Variants in GPC5 observed in about 807,000 individuals in gnomAD.
The protein encoded by GPC5 is glypican-5.
Under a neutral mutation model 53.9 loss-of-function variants are expected in GPC5, and 47 were observed. That is an observed-to-expected ratio of 0.87 (90% CI 0.69 to 1.11). The LOEUF is 1.11. GPC5 is among the 50% of genes most tolerant of loss of function. The pLI, the probability that GPC5 is intolerant of heterozygous loss-of-function variation, is 0.00. For synonymous variants in GPC5, 286 were observed against 263.3 expected (o/e 1.09, Z -0.84); for missense variants, 748 against 713.1 (o/e 1.05, Z -0.56).
chr13:92,199,442 A>G (rs544613154), intron 7 of GPC5, among the ~76,000 whole-genome samples: 2 of 152,218 alleles, frequency 1.3e-5, no homozygotes, highest in South Asian at 4.1e-4. Flanking sequence ...GTTATAGAAA[A>G]TGGTTAATTC....
chr13:92,226,034 C>T (rs1329935273), intron 7 of GPC5, among the ~76,000 whole-genome samples: 1 of 152,150 alleles, frequency 6.6e-6, no homozygotes, highest in African/African-American at 2.4e-5. Flanking sequence ...TGGATTTCCC[C>T]TTGCTGTTAT....
chr13:91,482,544 T>A (rs894188498), intron 2 of GPC5, among the ~76,000 whole-genome samples: 2 of 152,198 alleles, frequency 1.3e-5, no homozygotes, highest in East Asian at 1.9e-4. Flanking sequence ...TAGAAATAGA[T>A]AACAGACTCA....
At chr13:92,855,446 A>G (rs1878965544) in intron 7 of GPC5, among the ~76,000 whole-genome samples, 1 of 152,086 alleles carries the variant, frequency 6.6e-6, no homozygotes, top group Non-Finnish European at 1.5e-5. Context: ...TAATTACATT[A>G]TGATTTGAAC....
At chr13:91,999,986 A>G (rs1195586671) in intron 6 of GPC5, among the ~76,000 whole-genome samples, 1 of 152,216 alleles carries the variant, frequency 6.6e-6, no homozygotes, top group Non-Finnish European at 1.5e-5. Flanking sequence ...CTGAATTGAA[A>G]TCTGGCCAGT....
intron 7 of GPC5, among the ~76,000 whole-genome samples, chr13:92,542,008 T>C (rs889673074): frequency 6.6e-6 from 1 of 152,000 alleles, no homozygotes; most frequent in Non-Finnish European, 1.5e-5. Context: ...AAGGGTCTGT[T>C]TTAACTACTT....
intron 5 of GPC5, among the ~76,000 whole-genome samples, chr13:91,827,731 A>G (rs911652887): frequency 3.9e-5 from 6 of 152,096 alleles, no homozygotes; most frequent in African/African-American, 7.2e-5. Flanking sequence ...AATAACTCCT[A>G]TACTGATTGA....
chr13:92,754,544 A>G (rs1242409114), intron 7 of GPC5, among the ~76,000 whole-genome samples: 2 of 151,580 alleles, frequency 1.3e-5, no homozygotes, highest in African/African-American at 2.4e-5. Flanking sequence ...CAAATTGGAT[A>G]AAGAGTCAAG....
chr13:92,797,140 T>C (rs1876713978), intron 7 of GPC5, among the ~76,000 whole-genome samples: 1 of 151,954 alleles, frequency 6.6e-6, no homozygotes, highest in African/African-American at 2.4e-5. Context: ...AGAATACTAC[T>C]ACAGAGAAAT....
intron 1 of GPC5, among the ~76,000 whole-genome samples, chr13:91,415,904 A>AT (rs1313504383): frequency 1.3e-5 from 2 of 152,090 alleles, no homozygotes; most frequent in Non-Finnish European, 1.5e-5. Flanking sequence ...CTTTTATAGC[A>AT]TTTTATCACA....
intron 7 of GPC5, among the ~76,000 whole-genome samples, chr13:92,516,917 T>G (rs1880809677): frequency 6.6e-6 from 1 of 152,106 alleles, no homozygotes; most frequent in Middle Eastern, 3.4e-3. Flanking sequence ...GTCAGGGAAT[T>G]CCCTTTCCTA....
chr13:91,607,231 G>C (rs961845862), intron 2 of GPC5, among the ~76,000 whole-genome samples: 1 of 152,152 alleles, frequency 6.6e-6, no homozygotes, highest in Non-Finnish European at 1.5e-5. Context: ...GGTGCACCTT[G>C]AAATTTTGAC....
Position 91,399,080 on chromosome 13 carries a change from T to A in GPC5, c.34T>A (p.Cys12Ser). ...ACAGACCTGGCCCGTGGGCTTTCGC[T>A]GCCTCCTCCTTCTGGCCCTGGTTGG... The part of the protein sequence containing the change: ...DAQTWPVGFR[C>S]LLLLALVGSA... The change falls in exon 1 of 8, where the codon TGC becomes AGC. Residue 12 changes from cysteine (C) to serine (S), a missense_variant. Transcript: ENST00000377067. 1 of 1,584,352 alleles carries A rather than the reference T, an allele frequency of 6.3e-7. No individual in the cohort carries two copies. The highest frequency in any genetic ancestry group is 1.2e-5 in the South Asian group (1 of 86,750).
chr13:92,610,277 G>A (rs1173490390), intron 7 of GPC5, among the ~76,000 whole-genome samples: 3 of 152,064 alleles, frequency 2.0e-5, no homozygotes, highest in Non-Finnish European at 2.9e-5. Flanking sequence ...TATCCTAGTA[G>A]AGTTAATCTA....
chr13:92,123,351 T>C (rs1274140095), intron 6 of GPC5, among the ~76,000 whole-genome samples: 1 of 152,176 alleles, frequency 6.6e-6, no homozygotes, highest in African/African-American at 2.4e-5. Context: ...TTCACAAGAT[T>C]GTTATATGAC....
rs568075757 is a variant in GPC5 at position 91,942,468 on chromosome 13, G to T, written c.1401+34411G>T. ...ACCTTTCTGATTAATTCTCCCTTTA[G>T]TCTCAACTTCTAACTCATCCTGACT... On this transcript the variant is annotated intron_variant, in intron 6 of 7. Coordinates refer to ENST00000377067, the MANE Select transcript of GPC5 (RefSeq NM_004466.6). Among the ~76,000 whole-genome samples, 6 of 152,000 alleles carry T rather than the reference G, an allele frequency of 3.9e-5. No homozygotes were observed. The South Asian group carries it at 1.2e-3, about 32-fold the overall frequency.
intron 1 of GPC5, among the ~76,000 whole-genome samples, chr13:91,427,989 A>T (rs1879173373): frequency 6.6e-6 from 1 of 152,130 alleles, no homozygotes; most frequent in Admixed American, 6.5e-5. Context: ...CATGATTGTA[A>T]GTTTCCTGAG....
At position 91,908,031 on chromosome 13, in the gene GPC5, A is replaced by G. The variant is rs536610153; in HGVS notation, c.1375A>G (p.Ile459Val). 244 of 1,590,006 alleles carry G rather than the reference A, an allele frequency of 1.5e-4. No individual in the cohort carries two copies. The highest frequency in any genetic ancestry group is 1.1e-3 in the South Asian group (99 of 90,256). Residue 459 changes from isoleucine (I) to valine (V), a missense_variant, in exon 6 of 8, where the codon ATT becomes GTT. Transcript: ENST00000377067. ...AATTGATCCTGTGATAAATCAGATT[A>G]TTGATAAACTGAAGCATGTTGTTCA... ...KGIDPVINQI[I>V]DKLKHVVQLL...
In GPC5 at chr13:92,486,463, A is replaced by G. The variant is rs553045494; in HGVS notation, c.1561+341474A>G. 2.0e-5 allele frequency among the ~76,000 whole-genome samples: 3 copies of G among 152,328 alleles called. No individual in the cohort carries two copies. In the East Asian group the frequency reaches 5.8e-4, roughly 29 times the overall value. ...CCTAAAGTGTGATGTAATTTTTTAA[A>G]TAAAGAGGAAAAAATTCTAGACATT... On this transcript the variant is annotated intron_variant, in intron 7 of 7. Coordinates refer to ENST00000377067, the MANE Select transcript of GPC5 (RefSeq NM_004466.6).
intron 7 of GPC5, among the ~76,000 whole-genome samples, chr13:92,520,099 T>C (rs1391562521): frequency 6.6e-6 from 1 of 152,132 alleles, no homozygotes; most frequent in Non-Finnish European, 1.5e-5. Context: ...AATCCCTGAA[T>C]AGACCAATAA....
Sources: gnomAD v4.1 joint callset for allele counts (sites outside exome capture counted in the v4.1 genomes callset) on GRCh38, gnomAD v4.1.1 for gene constraint, MANE v1.5 for transcripts, NCBI Gene and HGNC (gene_info 2026-07-23, HGNC 2026-07-21) for gene names.